Variants in RAPGEF6 observed in about 807,000 individuals in gnomAD.
RAPGEF6 encodes the protein PDZ domain containing guanine nucleotide exchange factor (GEF) 2.
RAPGEF6 carries 56 observed loss-of-function variants against 171.4 expected under a neutral mutation model. The observed-to-expected ratio is 0.33, with a 90% CI of 0.26 to 0.41. RAPGEF6 has a LOEUF of 0.41. Among genes scored for constraint, RAPGEF6 ranks in the 10% least tolerant of loss-of-function variants. RAPGEF6 has a pLI of 1.00. For synonymous variants in RAPGEF6, 692 were observed against 650.1 expected, an observed-to-expected ratio of 1.06 and a Z score of -0.98; for missense variants, 1,674 against 1,921.4, an observed-to-expected ratio of 0.87 and a Z score of 2.41.
In RAPGEF6 at chr5:131,430,962, T is replaced by C. The variant is rs775781272; in HGVS notation, c.4362A>G (p.Val1454=). The part of the protein sequence containing the change: ...EPNYGTVKQR[V]LESTPAESSE... The stretch of plus-strand genomic sequence containing the variant: ...ATGACTCAGCTGGGGTGCTCTCCAA[T>C]ACTCTCTGTTTAACTGTCCCATAGT... The change falls in exon 26 of 28, where the codon GTA becomes GTG. Residue 1454 remains valine, a synonymous_variant. Coordinates refer to ENST00000509018, the MANE Select transcript of RAPGEF6 (RefSeq NM_016340.6). 8.7e-6 allele frequency: 14 copies of C among 1,614,054 alleles called. No homozygotes were observed. Among genetic ancestry groups the C allele is most frequent in the Non-Finnish European group, 1.1e-5 (13 of 1,180,024 alleles).
In RAPGEF6 at chr5:131,449,383, G is replaced by A. The variant is rs192655964; in HGVS notation, c.3201-2680C>T. Among the ~76,000 whole-genome samples the A allele has an allele frequency of 3.2e-3, 481 of 152,258 alleles. 3 individuals carry two copies. The highest frequency in any genetic ancestry group is 0.011 in the African/African-American group (458 of 41,566). On this transcript the variant is annotated intron_variant, in intron 21 of 27. Transcript: ENST00000509018. Reference sequence around the variant, plus strand: ...AATGCTACAAGTAAGTGGCATTAGTGGGTCTGAGGAAATAAAATCATCTTC... The same window carrying A: ...AATGCTACAAGTAAGTGGCATTAGTAGGTCTGAGGAAATAAAATCATCTTC...
intron 27 of RAPGEF6, 87 bp from the exon 28 acceptor site, chr5:131,427,378 T>A: frequency 1.7e-6 from 2 of 1,168,222 alleles, no homozygotes; most frequent in Non-Finnish European, 2.4e-6. Context: ...AAAATCAATG[T>A]CAACAAAGAA....
intron 4 of RAPGEF6, among the ~76,000 whole-genome samples, chr5:131,591,951 A>C (rs1027109324): frequency 6.6e-6 from 1 of 152,116 alleles, no homozygotes; most frequent in African/African-American, 2.4e-5. Context: ...TCCACCTCCC[A>C]GGTTCAAGCG....
chr5:131,555,591 C>T (rs921644586), intron 5 of RAPGEF6, among the ~76,000 whole-genome samples: 10 of 151,552 alleles, frequency 6.6e-5, no homozygotes, highest in Non-Finnish European at 1.5e-5. Context: ...CAATTATTTC[C>T]AATTAAATGT....
chr5:131,437,721 C>G (rs1448382254), intron 24 of RAPGEF6, among the ~76,000 whole-genome samples: 1 of 152,082 alleles, frequency 6.6e-6, no homozygotes, highest in Non-Finnish European at 1.5e-5. Flanking sequence ...ATTAAGCTTT[C>G]TTTAGTAAAA....
chr5:131,560,174 A>G (rs1761509931), intron 5 of RAPGEF6, among the ~76,000 whole-genome samples: 1 of 152,318 alleles, frequency 6.6e-6, no homozygotes, highest in South Asian at 2.1e-4. Flanking sequence ...TATTTTATAT[A>G]CTTGTTTTTC....
chr5:131,568,927 T>G (rs1762112178), intron 4 of RAPGEF6, among the ~76,000 whole-genome samples: 1 of 152,182 alleles, frequency 6.6e-6, no homozygotes, highest in African/African-American at 2.4e-5. Context: ...CCAACTGTAT[T>G]TCTATATACT....
At chr5:131,600,405 T>C (rs1764158538) in intron 3 of RAPGEF6, among the ~76,000 whole-genome samples, 1 of 151,904 alleles carries the variant, frequency 6.6e-6, no homozygotes, top group African/African-American at 2.4e-5. Flanking sequence ...GCCTGTAGTC[T>C]CAGCTACTTC....
Position 131,584,466 on chromosome 5 carries a change from A to G in RAPGEF6, c.281+7917T>C, listed in dbSNP as rs1421646526. 2.0e-5 allele frequency among the ~76,000 whole-genome samples: 3 copies of G among 152,324 alleles called. No homozygotes were observed. In the East Asian group the frequency reaches 5.8e-4, roughly 29 times the overall value. ...TTAGGAAACATTTATAGTTTAAATG[A>G]TAACTAAACTGCTTTTGTAAAGCTA... On this transcript the variant is annotated intron_variant, in intron 4 of 27. Transcript: ENST00000509018.
At position 131,464,132 on chromosome 5, in the gene RAPGEF6, C is replaced by T. The variant is rs754143428; in HGVS notation, c.2389G>A (p.Glu797Lys). 3.7e-6 allele frequency: 6 copies of T among 1,613,830 alleles called. No individual in the cohort carries two copies. Among genetic ancestry groups the T allele is most frequent in the Non-Finnish European group, 5.1e-6 (6 of 1,179,936 alleles). ...TGASDTYSLCEVSVTPEGVIK... is the reference protein window; with the variant it reads ...TGASDTYSLCKVSVTPEGVIK... ...ACACCCTCAGGAGTAACAGAAACTTCACAGAGAGAATATGTGTCGGATGCA... is the reference window on the plus strand; with the variant it reads ...ACACCCTCAGGAGTAACAGAAACTTTACAGAGAGAATATGTGTCGGATGCA... The change falls in exon 18 of 28, where the codon GAA (glutamate) becomes AAA (lysine). Residue 797 changes from glutamate (E) to lysine (K), a missense_variant. Coordinates refer to ENST00000509018, the MANE Select transcript of RAPGEF6 (RefSeq NM_016340.6).
In RAPGEF6 at chr5:131,479,168, TA is replaced by T. The variant is rs764057764; in HGVS notation, c.2081+344del. Among the ~76,000 whole-genome samples, 84 of 144,106 alleles carry T rather than the reference TA, an allele frequency of 5.8e-4. 1 individual carries two copies. Among genetic ancestry groups the T allele is most frequent in the Admixed American group, 1.4e-3 (20 of 14,424 alleles). 94.5% of individuals were successfully genotyped at this position (144,106 alleles called of 152,430 possible). A position where few individuals can be genotyped will look rare whatever the true frequency, so the allele number is the denominator to read the frequency against. On this transcript the variant is annotated intron_variant, in intron 16 of 27. Coordinates refer to ENST00000509018, the MANE Select transcript of RAPGEF6 (RefSeq NM_016340.6). ...AATGGTGCTGCAAAGGAAAAATGAT[TA>T]AAAAAAAAAAACTGGTGAATAAGTC...
intron 4 of RAPGEF6, among the ~76,000 whole-genome samples, chr5:131,564,923 A>AC (rs1761837910): frequency 6.6e-6 from 1 of 152,188 alleles, no homozygotes; most frequent in Non-Finnish European, 1.5e-5. Flanking sequence ...TGTCAACTTG[A>AC]CCCACCATTT....
chr5:131,466,433 A>T (rs1204424265), intron 17 of RAPGEF6, among the ~76,000 whole-genome samples: 1 of 152,198 alleles, frequency 6.6e-6, no homozygotes, highest in Non-Finnish European at 1.5e-5. Context: ...AAAATCAGAC[A>T]TACTTCTTGA....
Position 131,472,615 on chromosome 5 carries a change from G to A in RAPGEF6, c.2211C>T (p.Thr737=), listed in dbSNP as rs1452737725. ...SSSPDLLQPT[T]SMLDFSNPSD... The stretch of plus-strand genomic sequence containing the variant: ...AAGGATTGGAAAAATCCAACATACT[G>A]GTGGTAGGCTGCAGGAGATCAGGGC... Residue 737 remains threonine, a synonymous_variant, in exon 17 of 28, where the codon ACC becomes ACT. Transcript: ENST00000509018. 1 of 1,614,038 alleles carries A rather than the reference G, an allele frequency of 6.2e-7. No individual in the cohort carries two copies. The highest frequency in any genetic ancestry group is 1.7e-5 in the Admixed American group (1 of 60,028).
intron 4 of RAPGEF6, among the ~76,000 whole-genome samples, chr5:131,575,748 C>T (rs193015146): frequency 8.4e-4 from 128 of 152,308 alleles, no homozygotes; most frequent in African/African-American, 3.0e-3. Flanking sequence ...TCATCCCAAT[C>T]CTTCTTCTTA....
At chr5:131,616,407 T>C (rs148650664) in intron 1 of RAPGEF6, among the ~76,000 whole-genome samples, 116 of 152,330 alleles carry the variant, frequency 7.6e-4, no homozygotes, top group South Asian at 6.2e-3. Context: ...ATTAAGCAGG[T>C]TGGAATTTTT....
chr5:131,588,662 G>C (rs1000215783), intron 4 of RAPGEF6, among the ~76,000 whole-genome samples: 1 of 152,092 alleles, frequency 6.6e-6, no homozygotes, highest in Non-Finnish European at 1.5e-5. Flanking sequence ...GGGATCACTT[G>C]AACCTGGGAG....
rs1760676780 is a variant in RAPGEF6 at position 131,548,186 on chromosome 5, T to C, written c.356A>G (p.Glu119Gly). ...VLEPSEMIVV[E>G]NAKDNEDSIL... ...ACTATCTTCATTATCTTTGGCATTC[T>C]CTACCTGAAACACATGTTCATATTC... The change falls in exon 6 of 28, where the codon GAG becomes GGG. Residue 119 changes from glutamate to glycine, a missense_variant. By Grantham distance (98) the Glu-to-Gly change is moderately conservative. Coordinates refer to ENST00000509018, the MANE Select transcript of RAPGEF6 (RefSeq NM_016340.6). 6.2e-7 allele frequency: 1 copy of C among 1,613,626 alleles called. No individual in the cohort carries two copies. Among genetic ancestry groups the C allele is most frequent in the Non-Finnish European group, 8.5e-7 (1 of 1,179,740 alleles).
At chr5:131,500,503 C>A (rs754583052) in intron 11 of RAPGEF6, among the ~76,000 whole-genome samples, 26 of 152,132 alleles carry the variant, frequency 1.7e-4, no homozygotes, top group Non-Finnish European at 3.1e-4. Flanking sequence ...GTCATGCATT[C>A]TAAATTTTAT....
Sources: allele counts gnomAD v4.1 joint callset (sites outside exome capture counted in the v4.1 genomes callset), GRCh38; gene constraint gnomAD v4.1.1; transcripts MANE v1.5; gene names NCBI Gene and HGNC (gene_info 2026-07-23, HGNC 2026-07-21).